The following GRID2 variants were observed in gnomAD, a reference collection of about 807,000 sequenced individuals.
GRID2 encodes glutamate receptor ionotropic, delta-2.
A neutral mutation model predicts 114.8 loss-of-function variants in GRID2; 33 were observed. That is an observed-to-expected ratio of 0.29 (90% confidence interval 0.22 to 0.38). GRID2 has a LOEUF of 0.38. GRID2 is among the 10% of genes least tolerant of loss of function. The pLI, the probability that GRID2 is intolerant of heterozygous loss-of-function variation, is 1.00. For synonymous variants in GRID2, 505 were observed against 449.9 expected (o/e 1.12, Z -1.55); for missense variants, 1,184 against 1,257.7 (o/e 0.94, Z 0.89).
At chr4:92,305,431 G>A (rs918243898) in intron 1 of GRID2, among the ~76,000 whole-genome samples, 1 of 152,188 alleles carries the variant, frequency 6.6e-6, no homozygotes, top group Non-Finnish European at 1.5e-5. Flanking sequence ...GGCCTGGCGC[G>A]GCGGCGAAAC....
intron 13 of GRID2, among the ~76,000 whole-genome samples, chr4:93,622,914 G>A (rs1742344078): frequency 6.6e-6 from 1 of 152,006 alleles, no homozygotes; most frequent in African/African-American, 2.4e-5. Flanking sequence ...AGTCTCGCAT[G>A]TTCTTCTAGT....
chr4:93,460,676 C>A (rs1325400183), intron 11 of GRID2, among the ~76,000 whole-genome samples: 6 of 152,054 alleles, frequency 3.9e-5, no homozygotes, highest in Non-Finnish European at 8.8e-5. Flanking sequence ...GTGCCTTGTA[C>A]ATGTTAGGCA....
intron 14 of GRID2, among the ~76,000 whole-genome samples, chr4:93,647,573 T>A (rs1228299646): frequency 1.3e-5 from 2 of 152,184 alleles, no homozygotes; most frequent in Admixed American, 6.6e-5. Flanking sequence ...AACAGATTAA[T>A]ATAACTCTGT....
intron 2 of GRID2, among the ~76,000 whole-genome samples, chr4:92,717,282 C>T (rs1208367492): frequency 3.3e-5 from 5 of 152,172 alleles, no homozygotes; most frequent in African/African-American, 1.2e-4. Flanking sequence ...GGAAAACAGC[C>T]TCTTCATGCT....
intron 1 of GRID2, among the ~76,000 whole-genome samples, chr4:92,564,654 C>T (rs1410518196): frequency 1.3e-5 from 2 of 151,942 alleles, no homozygotes; most frequent in Non-Finnish European, 2.9e-5. Context: ...ATCTCAAGTG[C>T]TCTCTTCGGC....
chr4:93,339,308 G>A, intron 8 of GRID2, among the ~76,000 whole-genome samples: 1 of 152,268 alleles, frequency 6.6e-6, no homozygotes, highest in East Asian at 1.9e-4. Flanking sequence ...TTAAAATGAG[G>A]TCACACTGGA....
chr4:92,660,033 T>A lies in GRID2; in HGVS notation c.244+69747T>A, dbSNP rs183746866. On this transcript the variant is annotated intron_variant, in intron 2 of 15. Transcript: ENST00000282020. The stretch of plus-strand genomic sequence containing the variant: ...TGTAACAGCATATTTTCATGAAAAT[T>A]ATTTTGTTATTTTTTCAGATGGTAG... Among the ~76,000 whole-genome samples the A allele has an allele frequency of 5.4e-4, 82 of 151,548 alleles. No individual in the cohort carries two copies. In the East Asian group the frequency reaches 0.015, roughly 28 times the overall value.
chr4:93,243,769 T>C (rs1004927239), intron 8 of GRID2, among the ~76,000 whole-genome samples: 4 of 152,132 alleles, frequency 2.6e-5, no homozygotes, highest in African/African-American at 7.2e-5. Flanking sequence ...CTTACTTTGA[T>C]AATTTTTACA....
chr4:93,163,356 GTATATATATATATATATATATATATA>G (rs57285537), intron 4 of GRID2, among the ~76,000 whole-genome samples: 21 of 56,260 alleles, frequency 3.7e-4, no homozygotes, highest in East Asian at 2.0e-3. Context: ...TTTTTTTTGT[GTATATATATATATATATATATATATA>G]TATATATATA....
intron 8 of GRID2, among the ~76,000 whole-genome samples, chr4:93,239,179 TA>T (rs1747170431): frequency 1.4e-5 from 2 of 147,536 alleles, no homozygotes; most frequent in Non-Finnish European, 3.0e-5. Flanking sequence ...ATAATATATA[TA>T]TATATAGCAA....
chr4:93,628,858 C>T (rs1469362313), intron 14 of GRID2, among the ~76,000 whole-genome samples: 4 of 151,608 alleles, frequency 2.6e-5, no homozygotes, highest in East Asian at 1.9e-4. Context: ...CTCCCCATCC[C>T]GGGTTCAAGT....
intron 2 of GRID2, among the ~76,000 whole-genome samples, chr4:92,626,617 G>A (rs1406341525): frequency 6.6e-6 from 1 of 151,932 alleles, no homozygotes; most frequent in Non-Finnish European, 1.5e-5. Flanking sequence ...ATAGTGCAGA[G>A]GAAATAAACC....
chr4:92,882,803 A>G (rs1458313140), intron 2 of GRID2, among the ~76,000 whole-genome samples: 1 of 152,242 alleles, frequency 6.6e-6, no homozygotes, highest in Non-Finnish European at 1.5e-5. Flanking sequence ...AAAAATGTAC[A>G]TATTTTAATT....
At chr4:93,042,275 T>TTTC (rs1725608412) in intron 2 of GRID2, among the ~76,000 whole-genome samples, 5 of 125,618 alleles carry the variant, frequency 4.0e-5, no homozygotes, top group East Asian at 2.4e-4. Flanking sequence ...CTCTCTCTCT[T>TTTC]TCTCTCTCTC....
intron 2 of GRID2, among the ~76,000 whole-genome samples, chr4:92,681,405 G>C (rs1034622781): frequency 2.0e-5 from 3 of 152,136 alleles, no homozygotes; most frequent in Non-Finnish European, 4.4e-5. Context: ...AACATGTGGT[G>C]TTTGGTTTTT....
chr4:93,657,807 A>G (rs534312325), intron 14 of GRID2, among the ~76,000 whole-genome samples: 2 of 152,290 alleles, frequency 1.3e-5, no homozygotes, highest in Non-Finnish European at 2.9e-5. Context: ...TCCAAGCTAC[A>G]TTGAGGACAG....
At chr4:92,971,600 C>G (rs145949584) in intron 2 of GRID2, among the ~76,000 whole-genome samples, 2 of 151,926 alleles carry the variant, frequency 1.3e-5, no homozygotes, top group African/African-American at 4.8e-5. Context: ...TATTGTTAAT[C>G]GTATTCATGC....
intron 8 of GRID2, among the ~76,000 whole-genome samples, chr4:93,364,749 G>T (rs776248175): frequency 6.6e-6 from 1 of 152,110 alleles, no homozygotes; most frequent in Non-Finnish European, 1.5e-5. Context: ...AAAGCCATGG[G>T]ATTCCAGGTG....
At chr4:92,797,770 G>A (rs1360310466) in intron 2 of GRID2, among the ~76,000 whole-genome samples, 1 of 151,546 alleles carries the variant, frequency 6.6e-6, no homozygotes, top group African/African-American at 2.4e-5. Context: ...ATTTTTCAAT[G>A]TATTTATTGA....
Sources: allele counts gnomAD v4.1 joint callset (sites outside exome capture counted in the v4.1 genomes callset), GRCh38; gene constraint gnomAD v4.1.1; transcripts MANE v1.5; gene names NCBI Gene and HGNC (gene_info 2026-07-23, HGNC 2026-07-21).